CHCHD6: variants seen among roughly 807,000 people sequenced by gnomAD.
CHCHD6 encodes the protein coiled-coil-helix-coiled-coil-helix domain containing 6.
Under a neutral mutation model 32.3 loss-of-function variants are expected in CHCHD6, and 28 were observed. The observed-to-expected ratio is 0.87, with a 90% CI of 0.64 to 1.19. The LOEUF (loss-of-function observed/expected upper bound fraction) is 1.19. Ranked by LOEUF, CHCHD6 falls within the 50% of genes most tolerant of loss-of-function variation. The probability of loss-of-function intolerance (pLI) is 0.00; values close to 1 mark genes in which losing one functional copy is unlikely to be tolerated. For missense variants in CHCHD6, 333 were observed against 307.0 expected (o/e 1.08, Z -0.63); for synonymous variants, 122 against 117.5 (o/e 1.04, Z -0.25).
At chr3:126,839,317 T>A (rs1940980012) in intron 4 of CHCHD6, among the ~76,000 whole-genome samples, 1 of 152,114 alleles carries the variant, frequency 6.6e-6, no homozygotes, top group South Asian at 2.1e-4. Flanking sequence ...AACAGAAAAA[T>A]GAACATAAAA....
At chr3:126,813,299 T>C (rs2107532509) in intron 4 of CHCHD6, among the ~76,000 whole-genome samples, 1 of 152,314 alleles carries the variant, frequency 6.6e-6, no homozygotes, top group Middle Eastern at 3.4e-3. Context: ...TTATTTAGAA[T>C]CAAATAGATT....
intron 5 of CHCHD6, among the ~76,000 whole-genome samples, chr3:126,882,632 T>C (rs2077626550): frequency 1.3e-5 from 2 of 152,212 alleles, no homozygotes; most frequent in Admixed American, 6.5e-5. Flanking sequence ...TTTTTACTCC[T>C]CACAGCAATC....
chr3:126,711,705 C>T (rs1934755467), intron 1 of CHCHD6, among the ~76,000 whole-genome samples: 1 of 152,158 alleles, frequency 6.6e-6, no homozygotes, highest in African/African-American at 2.4e-5. Context: ...GAAGGGGTTG[C>T]GTTATAGATC....
chr3:126,863,924 A>G (rs1477049646), intron 5 of CHCHD6, among the ~76,000 whole-genome samples: 1 of 24,778 alleles, frequency 4.0e-5, no homozygotes, highest in Non-Finnish European at 8.5e-5. Flanking sequence ...TCCACCATCG[A>G]CACCTCCTCC....
At position 126,727,104 on chromosome 3, in the gene CHCHD6, G is replaced by C; in HGVS notation, c.114G>C (p.Met38Ile). The C allele has an allele frequency of 1.2e-5, 20 of 1,614,082 alleles. No individual in the cohort carries two copies. Among genetic ancestry groups the C allele is most frequent in the Non-Finnish European group, 1.7e-5 (20 of 1,179,948 alleles). The change falls in exon 2 of 8, where the codon ATG becomes ATC. Residue 38 changes from methionine (M) to isoleucine (I), a missense_variant. Coordinates refer to ENST00000290913, the MANE Select transcript of CHCHD6 (RefSeq NM_032343.3). ...VRLSENVVNRMKEPSSPPPAP... is the reference protein window; with the variant it reads ...VRLSENVVNRIKEPSSPPPAP... Reference sequence around the variant, plus strand: ...TGTCTGAAAACGTGGTGAACCGCATGAAGGAGCCCAGCTCTCCACCCCCTG... The same window carrying C: ...TGTCTGAAAACGTGGTGAACCGCATCAAGGAGCCCAGCTCTCCACCCCCTG...
At chr3:126,886,326 G>C (rs1201298280) in intron 5 of CHCHD6, among the ~76,000 whole-genome samples, 2 of 152,210 alleles carry the variant, frequency 1.3e-5, no homozygotes, top group Non-Finnish European at 2.9e-5. Flanking sequence ...TAAACAGCTT[G>C]TAAGTTTTAA....
chr3:126,954,074 T>G (rs1231172457), intron 6 of CHCHD6, among the ~76,000 whole-genome samples: 1 of 152,180 alleles, frequency 6.6e-6, no homozygotes, highest in African/African-American at 2.4e-5. Flanking sequence ...CTTATCCCAT[T>G]CAGAGCCTTT....
rs1935882593 is a variant in CHCHD6 at position 126,733,077 on chromosome 3, G to A, written c.267-1G>A. ...TTTCTCCTCATGTTTCTTCTGCACA[G>A]GTATGAACAGGAGCATGCTGCTATC... is the stretch of plus-strand genomic sequence containing the variant. On this transcript the variant is annotated splice_acceptor_variant, in intron 3 of 7. Coordinates refer to ENST00000290913, the MANE Select transcript of CHCHD6 (RefSeq NM_032343.3). LOFTEE classifies it high-confidence loss of function. 1 of 1,614,080 alleles carries A rather than the reference G, an allele frequency of 6.2e-7. No homozygotes were observed. The highest frequency in any genetic ancestry group is 1.7e-5 in the Admixed American group (1 of 60,006).
intron 4 of CHCHD6, among the ~76,000 whole-genome samples, chr3:126,798,042 T>C (rs957916928): frequency 2.6e-5 from 4 of 152,180 alleles, no homozygotes; most frequent in Non-Finnish European, 5.9e-5. Flanking sequence ...TCCCTCTCTG[T>C]CTTTTTAAAA....
intron 6 of CHCHD6, among the ~76,000 whole-genome samples, chr3:126,938,908 G>A (rs575458109): frequency 1.3e-5 from 2 of 152,290 alleles, no homozygotes; most frequent in Non-Finnish European, 2.9e-5. Context: ...CCTTCATTTC[G>A]GGTTGGCCAG....
chr3:126,902,513 G>A (rs913241752), intron 5 of CHCHD6, among the ~76,000 whole-genome samples: 6 of 152,040 alleles, frequency 3.9e-5, no homozygotes, highest in African/African-American at 1.2e-4. Flanking sequence ...TCAGGAGATC[G>A]AGACCATCCT....
intron 5 of CHCHD6, among the ~76,000 whole-genome samples, chr3:126,898,266 G>A (rs1433340782): frequency 1.3e-5 from 2 of 152,190 alleles, no homozygotes; most frequent in African/African-American, 4.8e-5. Flanking sequence ...AGTTTGTTTT[G>A]TTTTGCTATT....
intron 6 of CHCHD6, among the ~76,000 whole-genome samples, chr3:126,924,259 A>G (rs1050787038): frequency 1.3e-5 from 2 of 152,198 alleles, no homozygotes; most frequent in Non-Finnish European, 2.9e-5. Flanking sequence ...AGACATATTT[A>G]TGTGATATAG....
intron 4 of CHCHD6, among the ~76,000 whole-genome samples, chr3:126,757,435 A>G (rs1937004091): frequency 6.6e-6 from 1 of 152,118 alleles, no homozygotes; most frequent in African/African-American, 2.4e-5. Flanking sequence ...GGAAAAGGGA[A>G]AATATTGCTC....
At chr3:126,933,025 G>A (rs980149771) in intron 6 of CHCHD6, among the ~76,000 whole-genome samples, 3 of 152,130 alleles carry the variant, frequency 2.0e-5, no homozygotes, top group African/African-American at 7.2e-5. Context: ...GGAGGGAGGG[G>A]TGTCTGGAGA....
intron 4 of CHCHD6, among the ~76,000 whole-genome samples, chr3:126,807,061 G>T (rs1302309665): frequency 5.3e-4 from 60 of 113,736 alleles, no homozygotes; most frequent in African/African-American, 1.9e-3. Flanking sequence ...GGTGGGGGGA[G>T]GGGGGAGGGA....
chr3:126,878,172 T>A (rs938870438), intron 5 of CHCHD6, among the ~76,000 whole-genome samples: 1 of 152,232 alleles, frequency 6.6e-6, no homozygotes, highest in Non-Finnish European at 1.5e-5. Context: ...AGAATCAATA[T>A]GAATTCAGGG....
rs984130417 is a variant in CHCHD6 at position 126,921,520 on chromosome 3, C to T, written c.566+6770C>T. 3.3e-5 allele frequency among the ~76,000 whole-genome samples: 5 copies of T among 152,230 alleles called. No individual in the cohort carries two copies. The South Asian group carries it at 8.3e-4, about 25-fold the overall frequency. On this transcript the variant is annotated intron_variant, in intron 6 of 7. Transcript: ENST00000290913. Reference sequence around the variant, plus strand: ...TTATGACAACCTTCAGTCTGCTTCCCGTGGGATTCATTCAGAATCTGTCTT... The same window carrying T: ...TTATGACAACCTTCAGTCTGCTTCCTGTGGGATTCATTCAGAATCTGTCTT...
chr3:126,717,765 A>AC (rs1559801492), intron 1 of CHCHD6, among the ~76,000 whole-genome samples: 1 of 137,372 alleles, frequency 7.3e-6, no homozygotes, highest in African/African-American at 2.7e-5. Context: ...GGAAGTGCTG[A>AC]GGGGTGTGTG....
Sources: allele counts gnomAD v4.1 joint callset (sites outside exome capture counted in the v4.1 genomes callset), GRCh38; gene constraint gnomAD v4.1.1; transcripts MANE v1.5; gene names NCBI Gene and HGNC (gene_info 2026-07-23, HGNC 2026-07-21).